CSMD3: variants seen among roughly 807,000 people sequenced by gnomAD.
The protein encoded by CSMD3 is CUB and sushi domain-containing protein 3.
In CSMD3, 177 loss-of-function variants were observed where a neutral mutation model predicts 435.2. That is an observed-to-expected ratio of 0.41 (90% CI 0.36 to 0.46). The LOEUF (loss-of-function observed/expected upper bound fraction) is 0.46. Ranked by LOEUF, CSMD3 falls within the 20% of genes least tolerant of loss-of-function variation. The probability of loss-of-function intolerance (pLI) is 0.34; values close to 1 mark genes in which losing one functional copy is unlikely to be tolerated. For synonymous variants in CSMD3, 1,656 were observed against 1,520.5 expected, an observed-to-expected ratio of 1.09 and a Z score of -2.07; for missense variants, 4,265 against 4,504.6, an observed-to-expected ratio of 0.95 and a Z score of 1.52.
At chr8:113,150,637 C>T (rs780409219) in intron 4 of CSMD3, among the ~76,000 whole-genome samples, 1 of 151,938 alleles carries the variant, frequency 6.6e-6, no homozygotes, top group Non-Finnish European at 1.5e-5. Flanking sequence ...ATGTTTGTAG[C>T]ATTTTGCTAT....
chr8:112,861,263 C>T (rs1199906272), intron 10 of CSMD3, among the ~76,000 whole-genome samples: 4 of 151,784 alleles, frequency 2.6e-5, no homozygotes, highest in African/African-American at 9.7e-5. Context: ...CTATATTTAT[C>T]TTTCTAAAAC....
intron 3 of CSMD3, among the ~76,000 whole-genome samples, chr8:113,258,846 G>A (rs542510746): frequency 3.9e-5 from 6 of 152,220 alleles, no homozygotes; most frequent in Admixed American, 1.3e-4. Flanking sequence ...GGGATGAGAC[G>A]ATAGTAGCTA....
intron 6 of CSMD3, among the ~76,000 whole-genome samples, chr8:113,002,871 T>G (rs2085915112): frequency 6.6e-6 from 1 of 152,126 alleles, no homozygotes; most frequent in Non-Finnish European, 1.5e-5. Context: ...GTTAAATAAA[T>G]ATATGAGTTT....
intron 3 of CSMD3, among the ~76,000 whole-genome samples, chr8:113,268,112 T>C (rs1333412433): frequency 6.6e-6 from 1 of 151,762 alleles, no homozygotes; most frequent in East Asian, 1.9e-4. Context: ...AAAAAGTGAC[T>C]ATGCATCTGT....
intron 70 of CSMD3, among the ~76,000 whole-genome samples, 186 bp downstream of exon 70, chr8:112,228,570 G>A (rs924479830): frequency 6.6e-6 from 1 of 152,188 alleles, no homozygotes; most frequent in African/African-American, 2.4e-5. Flanking sequence ...CTTTTGTTAT[G>A]TTGTATGTAA....
intron 38 of CSMD3, among the ~76,000 whole-genome samples, chr8:112,361,526 A>T (rs1827200663): frequency 1.0e-5 from 1 of 100,192 alleles, no homozygotes. Flanking sequence ...GGTAATTCTG[A>T]ATGTGTGTGT....
At chr8:112,840,843 C>T (rs2132529767) in intron 11 of CSMD3, among the ~76,000 whole-genome samples, 1 of 151,772 alleles carries the variant, frequency 6.6e-6, no homozygotes, top group African/African-American at 2.4e-5. Flanking sequence ...AATATAACTT[C>T]TATCTAAAAG....
chr8:112,376,636 A>C (rs1828966927), intron 38 of CSMD3, among the ~76,000 whole-genome samples: 2 of 152,122 alleles, frequency 1.3e-5, no homozygotes, highest in Admixed American at 1.3e-4. Context: ...GCACAATTAC[A>C]AAACATATGC....
intron 25 of CSMD3, among the ~76,000 whole-genome samples, chr8:112,554,290 G>A (rs1212952865): frequency 6.6e-6 from 1 of 151,764 alleles, no homozygotes; most frequent in Non-Finnish European, 1.5e-5. Flanking sequence ...ACCCATGGAG[G>A]GCTAAGGGAA....
At chr8:113,314,839 G>A (rs1179734168) in intron 1 of CSMD3, 46 bp from the exon 2 acceptor site, 7 of 1,214,902 alleles carry the variant, frequency 5.8e-6, no homozygotes, top group African/African-American at 3.0e-5. Context: ...TATAAATCAA[G>A]AACAATCCAT....
At chr8:112,505,911 T>C (rs1450178139) in intron 29 of CSMD3, among the ~76,000 whole-genome samples, 1 of 152,102 alleles carries the variant, frequency 6.6e-6, no homozygotes, top group Non-Finnish European at 1.5e-5. Flanking sequence ...GCACTTCATG[T>C]AATATGTCCT....
chr8:112,820,141 A>G lies in CSMD3; in HGVS notation c.1859+9545T>C, dbSNP rs2079488119. 2.0e-5 allele frequency among the ~76,000 whole-genome samples: 3 copies of G among 152,136 alleles called. No homozygotes were observed. The South Asian group carries it at 6.2e-4, about 32-fold the overall frequency. ...AACATTTCCATTCCTGCCCTCCAAT[A>G]TAGAAGGAAAGAAGGGTATCATATG... On this transcript the variant is annotated intron_variant, in intron 12 of 70. Transcript: ENST00000297405.
chr8:113,066,134 A>G (rs2088848044), intron 5 of CSMD3, among the ~76,000 whole-genome samples: 1 of 150,982 alleles, frequency 6.6e-6, no homozygotes, highest in African/African-American at 2.4e-5. Context: ...AAAAAGAAAA[A>G]AAAAAAAAAG....
At chr8:113,285,184 GT>G (rs1359813441) in intron 2 of CSMD3, among the ~76,000 whole-genome samples, 2 of 151,694 alleles carry the variant, frequency 1.3e-5, no homozygotes, top group African/African-American at 4.8e-5. Flanking sequence ...GTTGTGGGTG[GT>G]AAGAATTATT....
chr8:112,382,793 C>G (rs1181163614), intron 37 of CSMD3, among the ~76,000 whole-genome samples: 1 of 152,126 alleles, frequency 6.6e-6, no homozygotes. Flanking sequence ...AGTTCACGAC[C>G]CGCCTCGCCA....
chr8:113,127,175 G>T (rs1043500090), intron 4 of CSMD3, among the ~76,000 whole-genome samples: 2 of 151,988 alleles, frequency 1.3e-5, no homozygotes, highest in African/African-American at 4.8e-5. Context: ...GCTCCCAAGA[G>T]GTGTCTAGTT....
At chr8:112,911,868 A>G (rs1425437833) in intron 10 of CSMD3, among the ~76,000 whole-genome samples, 1 of 148,134 alleles carries the variant, frequency 6.8e-6, no homozygotes, top group East Asian at 2.0e-4. Flanking sequence ...TATATCCATT[A>G]TGTATAACAT....
At chr8:112,686,828 G>A (rs920589251) in intron 14 of CSMD3, among the ~76,000 whole-genome samples, 3 of 151,860 alleles carry the variant, frequency 2.0e-5, no homozygotes, top group Non-Finnish European at 4.4e-5. Flanking sequence ...CCTACATTTT[G>A]TACTAAATTA....
intron 2 of CSMD3, among the ~76,000 whole-genome samples, chr8:113,284,224 T>C (rs1161470443): frequency 1.3e-4 from 19 of 151,996 alleles, no homozygotes; most frequent in Admixed American, 1.2e-3. Context: ...ACCCCAATAC[T>C]TATGGAAAAA....
Sources: gnomAD v4.1 joint callset for allele counts (sites outside exome capture counted in the v4.1 genomes callset) on GRCh38, gnomAD v4.1.1 for gene constraint, MANE v1.5 for transcripts, NCBI Gene and HGNC (gene_info 2026-07-23, HGNC 2026-07-21) for gene names.